Variants in CYB561 observed in about 807,000 individuals in gnomAD.
CYB561 encodes the protein transmembrane ascorbate-dependent reductase CYB561.
CYB561 carries 11 observed loss-of-function variants against 25.3 expected under a neutral mutation model. The observed-to-expected ratio is 0.44, with a 90% CI of 0.27 to 0.72. CYB561 has a LOEUF of 0.72. Among genes scored for constraint, CYB561 ranks in the 30% least tolerant of loss-of-function variants. The pLI is 0.18. For synonymous variants in CYB561, 165 were observed against 158.8 expected, an observed-to-expected ratio of 1.04 and a Z score of -0.29; for missense variants, 295 against 334.9, an observed-to-expected ratio of 0.88 and a Z score of 0.93.
At chr17:63,435,395 G>A in intron 4 of CYB561, 152 bp from the exon 5 acceptor site, 2 of 802,508 alleles carry the variant, frequency 2.5e-6, no homozygotes, top group Non-Finnish European at 4.0e-6. Context: ...GGTGGGAGGA[G>A]CACTAAGCGC....
chr17:63,435,805 A>G lies in CYB561; in HGVS notation c.302-14T>C, dbSNP rs776851803. The stretch of plus-strand genomic sequence containing the variant: ...CCGCCACCAAGCCTGGGCCAGAGAC[A>G]GGTCATATGAGGACAGGGTTGGATG... On this transcript the variant is annotated splice_polypyrimidine_tract_variant and intron_variant, in intron 3 of 5. Transcript: ENST00000360793. The G allele has an allele frequency of 8.7e-6, 14 of 1,611,928 alleles. No individual in the cohort carries two copies. Among genetic ancestry groups the G allele is most frequent in the Non-Finnish European group, 1.1e-5 (13 of 1,177,964 alleles).
At position 63,433,309 on chromosome 17, in the gene CYB561, C is replaced by A. The variant is rs1392536612; in HGVS notation, c.*1093G>T. On this transcript the variant is annotated 3_prime_UTR_variant, in exon 6 of 6. Transcript: ENST00000360793. ...GTGTTCTAATCACACTATTTCCAGG[C>A]CGAAGCCAAATGGTGACTCAGCTAA... 2.5e-5 allele frequency: 10 copies of A among 398,414 alleles called. No homozygotes were observed. The allele number at this position is 398,414 out of a possible 1,614,324, so 24.7% of individuals were successfully genotyped here.
chr17:63,434,609 G>A lies in CYB561; in HGVS notation c.564-15C>T, dbSNP rs376236819. The A allele has an allele frequency of 5.6e-6, 9 of 1,598,246 alleles. No homozygotes were observed. Among genetic ancestry groups the A allele is most frequent in the Non-Finnish European group, 6.8e-6 (8 of 1,173,936 alleles). ...TATACTTGCCCCTGCAGGGGTGAGA[G>A]GAAGGGAGAAGCTGCCCAAGGGGTC... On this transcript the variant is annotated splice_polypyrimidine_tract_variant and intron_variant, in intron 5 of 5. Coordinates refer to ENST00000360793, the MANE Select transcript of CYB561 (RefSeq NM_001915.4).
intron 4 of CYB561, 94 bp from the exon 5 acceptor site, chr17:63,435,337 A>G: frequency 7.3e-7 from 1 of 1,371,416 alleles, no homozygotes; most frequent in Non-Finnish European, 1.0e-6. Flanking sequence ...CCACGTGGCG[A>G]CTGTGAGCCC....
chr17:63,435,093 T>C lies in CYB561; in HGVS notation c.556A>G (p.Asn186Asp), dbSNP rs2049279778. 6.2e-7 allele frequency: 1 copy of C among 1,613,302 alleles called. No individual in the cohort carries two copies. Among genetic ancestry groups the C allele is most frequent in the East Asian group, 2.2e-5 (1 of 44,844 alleles). ...LLGLKEALLFNLGGKYSAFEP... is the reference protein window; with the variant it reads ...LLGLKEALLFDLGGKYSAFEP... ...CCCACCCAGGACACTCACCCGAGGTTGAACAGCAGTGCCTCCTTCAGGCCC... is the reference window on the plus strand; with the variant it reads ...CCCACCCAGGACACTCACCCGAGGTCGAACAGCAGTGCCTCCTTCAGGCCC... The change falls in exon 5 of 6, where the codon AAC becomes GAC. Residue 186 changes from asparagine (N) to aspartate (D), a missense_variant. Asn to Asp is a conservative substitution (Grantham distance 23, BLOSUM62 1). Coordinates refer to ENST00000360793, the MANE Select transcript of CYB561 (RefSeq NM_001915.4).
Position 63,432,624 on chromosome 17 carries a change from G to A in CYB561, c.*1778C>T, listed in dbSNP as rs914923865. On this transcript the variant is annotated 3_prime_UTR_variant, in exon 6 of 6. Transcript: ENST00000360793. ...TGTGCCAGCTGATTGAAGAACTGAC[G>A]GCACCCCTACCCCTGAAGAGTGTAC... 3.9e-5 allele frequency: 6 copies of A among 152,202 alleles called. No homozygotes were observed. Among genetic ancestry groups the A allele is most frequent in the African/African-American group, 1.2e-4 (5 of 41,428 alleles). 9.4% of individuals were successfully genotyped at this position (152,202 alleles called of 1,614,324 possible).
At chr17:63,438,198 G>A (rs1402309529) in intron 1 of CYB561, 1 of 1,535,654 alleles carries the variant, frequency 6.5e-7, no homozygotes. Context: ...GAGCTCAAGG[G>A]CCCAGTGCCC....
At position 63,438,044 on chromosome 17, in the gene CYB561, T is replaced by C. The variant is rs1377911607; in HGVS notation, c.-13-484A>G. Reference sequence around the variant, plus strand: ...CTACCCGCAAGCCCCTTCCCACCCATCGTCCTGAGGCAGAGGTCTCAAGTC... The same window carrying C: ...CTACCCGCAAGCCCCTTCCCACCCACCGTCCTGAGGCAGAGGTCTCAAGTC... On this transcript the variant is annotated intron_variant, in intron 1 of 5. Coordinates refer to ENST00000360793, the MANE Select transcript of CYB561 (RefSeq NM_001915.4). The C allele has an allele frequency of 6.3e-6, 8 of 1,279,156 alleles. No homozygotes were observed. The African/African-American group carries it at 1.5e-4, about 24-fold the overall frequency. 79.2% of individuals were successfully genotyped at this position (1,279,156 alleles called of 1,614,324 possible). A position where few individuals can be genotyped will look rare whatever the true frequency, so the allele number is the denominator to read the frequency against.
At chr17:63,437,184 G>C (rs980356144) in intron 2 of CYB561, 162 bp downstream of exon 2, 1 of 629,216 alleles carries the variant, frequency 1.6e-6, no homozygotes, top group Non-Finnish European at 2.8e-6. Flanking sequence ...CCTGGGTTTG[G>C]ATTCCATCTC....
rs758846376 is a variant in CYB561 at position 63,436,256 on chromosome 17, G to T, written c.203-104C>A. ...TGGTGGAGAGGTGATGTGAGCTGAC[G>T]GCTTGTAACAGGAGCCTAGCTGCAG... On this transcript the variant is annotated intron_variant, in intron 2 of 5. Coordinates refer to ENST00000360793, the MANE Select transcript of CYB561 (RefSeq NM_001915.4). This position sits in a 1 kb window ranked among gnomAD's most constrained non-coding sequence, Gnocchi z 4.8. 6 of 1,390,292 alleles carry T rather than the reference G, an allele frequency of 4.3e-6. No individual in the cohort carries two copies. Among genetic ancestry groups the T allele is most frequent in the Middle Eastern group, 1.8e-4 (1 of 5,406 alleles). 86.1% of individuals were successfully genotyped at this position (1,390,292 alleles called of 1,614,324 possible). A position where few individuals can be genotyped will look rare whatever the true frequency, so the allele number is the denominator to read the frequency against.
chr17:63,435,955 C>T, intron 3 of CYB561, 99 bp downstream of exon 3: 5 of 1,602,386 alleles, frequency 3.1e-6, no homozygotes, highest in Non-Finnish European at 4.3e-6. Context: ...GGGGCGGGCC[C>T]ATCACAGCTC....
intron 1 of CYB561, among the ~76,000 whole-genome samples, chr17:63,442,227 C>T (rs866528484): frequency 2.6e-5 from 4 of 152,320 alleles, no homozygotes; most frequent in Admixed American, 1.3e-4. Flanking sequence ...AGATCCCTTC[C>T]GCAACAGGAC....
intron 1 of CYB561, chr17:63,442,895 G>A (rs1815334032): frequency 6.6e-6 from 1 of 152,268 alleles, no homozygotes; most frequent in African/African-American, 2.4e-5. Context: ...AGGCAACCAA[G>A]ACTAATCTCA....
intron 1 of CYB561, among the ~76,000 whole-genome samples, chr17:63,438,549 A>T (rs2049341451): frequency 6.6e-6 from 1 of 151,166 alleles, no homozygotes; most frequent in South Asian, 2.1e-4. Context: ...GTCAGCACAC[A>T]GGGACAGGGC....
intron 1 of CYB561, among the ~76,000 whole-genome samples, chr17:63,442,081 G>A (rs1022800711): frequency 1.3e-5 from 2 of 152,256 alleles, no homozygotes; most frequent in African/African-American, 4.8e-5. Context: ...TGGAATGACA[G>A]CAGCCTGCTT....
intron 4 of CYB561, 28 bp from the exon 5 acceptor site, chr17:63,435,271 G>C (rs1455050900): frequency 7.5e-6 from 12 of 1,607,808 alleles, no homozygotes; most frequent in Middle Eastern, 1.7e-4. Flanking sequence ...ACGGTTCCGG[G>C]ACAGGGCGGC....
At chr17:63,438,842 G>A (rs377276115) in intron 1 of CYB561, among the ~76,000 whole-genome samples, 1 of 152,232 alleles carries the variant, frequency 6.6e-6, no homozygotes, top group Admixed American at 6.5e-5. Flanking sequence ...CTGGGGATGG[G>A]AGGAGAGGCG....
chr17:63,442,738 TGA>T (rs2049387137), intron 1 of CYB561: 1 of 152,182 alleles, frequency 6.6e-6, no homozygotes, highest in South Asian at 2.1e-4. Flanking sequence ...CTTAGAGCTG[TGA>T]GAGTCACCCT....
At chr17:63,437,641 C>A in intron 1 of CYB561, 81 bp from the exon 2 acceptor site, 1 of 1,072,964 alleles carries the variant, frequency 9.3e-7, no homozygotes, top group Non-Finnish European at 1.3e-6. Context: ...ACACAGCCCC[C>A]CAAGATGCGC....
Sources: allele counts gnomAD v4.1 joint callset (sites outside exome capture counted in the v4.1 genomes callset), GRCh38; gene constraint gnomAD v4.1.1; non-coding constraint Gnocchi (gnomAD v3.1); transcripts MANE v1.5; gene names NCBI Gene and HGNC (gene_info 2026-07-23, HGNC 2026-07-21).